The following C5orf52 variants were observed in gnomAD, a reference collection of about 807,000 sequenced individuals.
C5orf52 encodes chromosome 5 open reading frame 52, also known as uncharacterized protein C5orf52.
C5orf52 carries 15 observed loss-of-function variants against 16.8 expected under a neutral mutation model. That is an observed-to-expected ratio of 0.89 (90% CI 0.60 to 1.38). The LOEUF (loss-of-function observed/expected upper bound fraction) is 1.38. Ranked by LOEUF, C5orf52 falls within the 40% of genes most tolerant of loss-of-function variation. C5orf52 has a pLI of 0.00. For missense variants in C5orf52, 206 were observed against 213.1 expected (o/e 0.97, Z 0.21); for synonymous variants, 83 against 87.2 (o/e 0.95, Z 0.27).
chr5:157,675,201 G>A lies in C5orf52; in HGVS notation c.321+1G>A, dbSNP rs550237548. 3.7e-5 allele frequency: 56 copies of A among 1,517,920 alleles called. No homozygotes were observed. The South Asian group carries it at 4.6e-4, about 12-fold the overall frequency. 94.0% of individuals were successfully genotyped at this position (1,517,920 alleles called of 1,614,324 possible). On this transcript the variant is annotated splice_donor_variant, in intron 2 of 2. Transcript: ENST00000409999. LOFTEE classifies it high-confidence loss of function. ...CACACAACGAATCTATGAGATGGAG[G>A]TAAAGTAGCCACAAGCTTTTGCATT...
At position 157,679,959 on chromosome 5, in the gene C5orf52, G is replaced by A; in HGVS notation, c.440G>A (p.Ser147Asn). The A allele has an allele frequency of 6.4e-7, 1 of 1,551,648 alleles. No homozygotes were observed. The highest frequency in any genetic ancestry group is 2.4e-5 in the East Asian group (1 of 40,904). ...LGRWREESVN[S>N]NRYLTFGIPP... ...CGATGGAGAGAGGAATCCGTGAACAGCAACCGGTACTTAACCTTCGGGATA... is the reference window on the plus strand; with the variant it reads ...CGATGGAGAGAGGAATCCGTGAACAACAACCGGTACTTAACCTTCGGGATA... Residue 147 changes from serine (S) to asparagine (N), a missense_variant, in exon 3 of 3, where the codon AGC becomes AAC. Coordinates refer to ENST00000409999, the MANE Select transcript of C5orf52 (RefSeq NM_001145132.2).
intron 1 of C5orf52, among the ~76,000 whole-genome samples, chr5:157,673,452 A>G (rs1000874291): frequency 1.4e-4 from 21 of 152,312 alleles, no homozygotes; most frequent in African/African-American, 5.1e-4. Context: ...TATATAATAT[A>G]TATATGACAA....
At chr5:157,675,049 C>T (rs768550713) in intron 1 of C5orf52, 43 bp from the exon 2 acceptor site, 1 of 1,360,766 alleles carries the variant, frequency 7.3e-7, no homozygotes, top group Non-Finnish European at 1.0e-6. Context: ...GGCCCAGGCC[C>T]CAACCGTCTG....
intron 2 of C5orf52, among the ~76,000 whole-genome samples, chr5:157,676,871 C>CTTTTTTTTTTTTTTTT (rs35620575): frequency 5.1e-5 from 5 of 97,136 alleles, no homozygotes; most frequent in Non-Finnish European, 8.5e-5. Context: ...CTTTTTTTTT[C>CTTTTTTTTTTTTTTTT]TTTTTTTTTT....
At chr5:157,676,052 T>G (rs551000878) in intron 2 of C5orf52, among the ~76,000 whole-genome samples, 2 of 152,114 alleles carry the variant, frequency 1.3e-5, no homozygotes, top group South Asian at 4.2e-4. Context: ...CAGAGCAGGG[T>G]GCCCAGGGTT....
chr5:157,678,126 C>T (rs1475717020), intron 2 of C5orf52, among the ~76,000 whole-genome samples: 1 of 152,200 alleles, frequency 6.6e-6, no homozygotes, highest in Non-Finnish European at 1.5e-5. Context: ...ATCCTTGGGG[C>T]CTACGTTTCT....
At chr5:157,676,426 T>C (rs930762717) in intron 2 of C5orf52, among the ~76,000 whole-genome samples, 1 of 152,154 alleles carries the variant, frequency 6.6e-6, no homozygotes, top group Non-Finnish European at 1.5e-5. Context: ...GGGTCAAGTC[T>C]GGATGGGCCC....
intron 1 of C5orf52, among the ~76,000 whole-genome samples, chr5:157,673,405 G>T (rs72813215): frequency 0.042 from 6,372 of 152,000 alleles, 210 homozygotes; most frequent in East Asian, 0.1. Flanking sequence ...GACAATCACC[G>T]TTAACATTTT....
At chr5:157,671,415 C>T (rs1198194742), upstream of C5orf52, 3 of 581,322 alleles carry the variant, frequency 5.2e-6, no homozygotes, top group African/African-American at 1.9e-5. Flanking sequence ...AATATTACCG[C>T]GTCCGTGGCC....
chr5:157,679,326 CAATAG>C (rs1302730121), intron 2 of C5orf52, among the ~76,000 whole-genome samples: 3 of 151,990 alleles, frequency 2.0e-5, no homozygotes, highest in Non-Finnish European at 4.4e-5. Context: ...AGAAGTTATA[CAATAG>C]AAGAAATAAG....
chr5:157,677,576 C>T lies in C5orf52; in HGVS notation c.322-2265C>T, dbSNP rs576831720. Among the ~76,000 whole-genome samples, 12 of 150,330 alleles carry T rather than the reference C, an allele frequency of 8.0e-5. No homozygotes were observed. The East Asian group carries it at 2.2e-3, about 27-fold the overall frequency. ...GGCTGAGGCAGGAGAATTGCTTGAA[C>T]CCTGGAGGCCGAGGTTGCGATGAGC... On this transcript the variant is annotated intron_variant, in intron 2 of 2. Transcript: ENST00000409999.
upstream of C5orf52, chr5:157,671,413 C>A: frequency 3.4e-6 from 2 of 580,944 alleles, no homozygotes; most frequent in Non-Finnish European, 6.2e-6. Context: ...ACAATATTAC[C>A]GCGTCCGTGG....
chr5:157,671,679 C>A lies in C5orf52; in HGVS notation c.65C>A (p.Ala22Asp). The change falls in exon 1 of 3, where the codon GCC becomes GAC. Residue 22 changes from alanine to aspartate, a missense_variant. Transcript: ENST00000409999. Reference protein sequence around the residue: ...DQGSSTIGGTAAQATTSSSAT... With the variant: ...DQGSSTIGGTDAQATTSSSAT... ...GGATCCTCCACGATCGGCGGGACCG[C>A]CGCCCAGGCGACCACCAGTTCCAGC... The A allele has an allele frequency of 6.4e-7, 1 of 1,551,352 alleles. No homozygotes were observed. Among genetic ancestry groups the A allele is most frequent in the South Asian group, 1.2e-5 (1 of 84,046 alleles).
chr5:157,671,856 A>C, intron 1 of C5orf52, 30 bp downstream of exon 1: 1 of 1,413,774 alleles, frequency 7.1e-7, no homozygotes, highest in South Asian at 1.4e-5. Flanking sequence ...AGCGTTCGTC[A>C]GACCCTCGGA....
In C5orf52 at chr5:157,679,938, GGA is replaced by G; in HGVS notation, c.425_426del (p.Glu142GlyfsTer45). ...GAGCAGCTCAGAAAGCTCGGGCGAT[GGA>G]GAGAGGAATCCGTGAACAGCAACCG... is the stretch of plus-strand genomic sequence containing the variant. On this transcript the variant is annotated frameshift_variant, in exon 3 of 3. Transcript: ENST00000409999. LOFTEE classifies it high-confidence loss of function. 1 of 1,551,758 alleles carries G rather than the reference GGA, an allele frequency of 6.4e-7. No homozygotes were observed. Among genetic ancestry groups the G allele is most frequent in the Non-Finnish European group, 8.7e-7 (1 of 1,147,006 alleles).
At chr5:157,675,664 T>G (rs1759879568) in intron 2 of C5orf52, among the ~76,000 whole-genome samples, 1 of 151,942 alleles carries the variant, frequency 6.6e-6, no homozygotes, top group Non-Finnish European at 1.5e-5. Context: ...ATTAGCCAGG[T>G]GTGGTGGCAG....
intron 1 of C5orf52, among the ~76,000 whole-genome samples, chr5:157,672,345 C>A (rs1289306201): frequency 6.6e-6 from 1 of 152,152 alleles, no homozygotes; most frequent in East Asian, 1.9e-4. Context: ...CACAAACCCC[C>A]CTCACTGCAT....
intron 1 of C5orf52, among the ~76,000 whole-genome samples, chr5:157,674,789 G>C (rs1473298784): frequency 2.0e-5 from 3 of 151,926 alleles, no homozygotes; most frequent in Non-Finnish European, 2.9e-5. Flanking sequence ...ACACAAAAAG[G>C]GTGACTGCTT....
rs1321435148 is a variant in C5orf52 at position 157,671,826 on chromosome 5, G to T, written c.212G>T (p.Ser71Ile). The change falls in exon 1 of 3, where the codon AGC becomes ATC. Residue 71 changes from serine (S) to isoleucine (I), a missense_variant and splice_region_variant. Physicochemically the swap from Ser to Ile is moderately radical, Grantham distance 142. Transcript: ENST00000409999. ...PRSAQQPVLFSLMNSSEAAMK... is the reference protein window; with the variant it reads ...PRSAQQPVLFILMNSSEAAMK... Reference sequence around the variant, plus strand: ...TCCGCGCAGCAGCCGGTGCTGTTCAGGTGTGGCCCGCATGCCCAGAGCGTT... The same window carrying T: ...TCCGCGCAGCAGCCGGTGCTGTTCATGTGTGGCCCGCATGCCCAGAGCGTT... 2.6e-6 allele frequency: 4 copies of T among 1,513,454 alleles called. No individual in the cohort carries two copies. The East Asian group carries it at 7.4e-5, about 28-fold the overall frequency. 93.8% of individuals were successfully genotyped at this position (1,513,454 alleles called of 1,614,324 possible). A position where few individuals can be genotyped will look rare whatever the true frequency, so the allele number is the denominator to read the frequency against.
Sources: gnomAD v4.1 joint callset for allele counts (sites outside exome capture counted in the v4.1 genomes callset) on GRCh38, gnomAD v4.1.1 for gene constraint, MANE v1.5 for transcripts, NCBI Gene and HGNC (gene_info 2026-07-23, HGNC 2026-07-21) for gene names.